Variants in MRRF observed in about 807,000 individuals in gnomAD.
The protein encoded by MRRF is ribosome-recycling factor, mitochondrial.
In MRRF, 18 loss-of-function variants were observed where a neutral mutation model predicts 25.1. The ratio of observed to expected loss-of-function variants is 0.72; its 90% CI spans 0.50 to 1.06. MRRF has a LOEUF of 1.06. Ranked by LOEUF, MRRF falls within the 50% of genes least tolerant of loss-of-function variation. The pLI is 0.00. For missense variants in MRRF, 323 were observed against 319.3 expected (o/e 1.01, Z -0.09); for synonymous variants, 113 against 112.1 (o/e 1.01, Z -0.05).
At chr9:122,281,833 T>C (rs1833107983) in intron 3 of MRRF, among the ~76,000 whole-genome samples, 2 of 152,140 alleles carry the variant, frequency 1.3e-5, no homozygotes, top group East Asian at 1.9e-4. Flanking sequence ...TGTTAACCTC[T>C]GAGAAAATGA....
intron 5 of MRRF, among the ~76,000 whole-genome samples, chr9:122,301,891 ACCCGGCTAATTTTTTTTTTTTTT>A (rs1268680717): frequency 2.0e-5 from 3 of 147,604 alleles, no homozygotes; most frequent in Non-Finnish European, 4.5e-5. Context: ...GCACCACCAC[ACCCGGCTAATTTTTTTTTTTTTT>A]TGTATTTTTA....
intron 2 of MRRF, among the ~76,000 whole-genome samples, chr9:122,279,077 T>A (rs1168329858): frequency 6.6e-6 from 1 of 152,202 alleles, no homozygotes; most frequent in Non-Finnish European, 1.5e-5. Context: ...TTCACCATTT[T>A]GGTCAGGCTG....
intron 5 of MRRF, among the ~76,000 whole-genome samples, chr9:122,300,764 A>C (rs1193694535): frequency 3.3e-5 from 5 of 152,016 alleles, no homozygotes. Context: ...TTGAGTGATT[A>C]TATTGGAAGT....
intron 3 of MRRF, among the ~76,000 whole-genome samples, chr9:122,282,778 A>C (rs1018524470): frequency 6.6e-6 from 1 of 152,190 alleles, no homozygotes; most frequent in Non-Finnish European, 1.5e-5. Context: ...GGGGGCTTGT[A>C]AAAGGGGTTT....
In MRRF at chr9:122,291,431, C is replaced by T. The variant is rs186716525; in HGVS notation, c.460-318C>T. 1.8e-3 allele frequency among the ~76,000 whole-genome samples: 268 copies of T among 152,310 alleles called. 2 individuals are homozygous for T. The highest frequency in any genetic ancestry group is 6.2e-3 in the African/African-American group (259 of 41,560). On this transcript the variant is annotated intron_variant, in intron 4 of 6. Coordinates refer to ENST00000344641, the MANE Select transcript of MRRF (RefSeq NM_138777.5). ...ACCAATCTTTGCAGAGACCAGCCCC[C>T]CTCCCTTGAGGATTTATTGTGGTTT...
intron 4 of MRRF, among the ~76,000 whole-genome samples, chr9:122,286,422 G>C (rs1588032936): frequency 6.6e-6 from 1 of 152,188 alleles, no homozygotes; most frequent in African/African-American, 2.4e-5. Context: ...AATATATATT[G>C]TGCCAGGCGT....
intron 3 of MRRF, among the ~76,000 whole-genome samples, chr9:122,281,854 T>G (rs1416473282): frequency 6.6e-6 from 1 of 152,104 alleles, no homozygotes; most frequent in East Asian, 1.9e-4. Context: ...GGGGCAGGAA[T>G]GAGGCTGAGG....
chr9:122,282,999 A>G (rs1833170740), intron 3 of MRRF, among the ~76,000 whole-genome samples: 1 of 152,240 alleles, frequency 6.6e-6, no homozygotes, highest in Non-Finnish European at 1.5e-5. Flanking sequence ...GTCAAGAAGT[A>G]ATAATAGTCA....
intron 5 of MRRF, among the ~76,000 whole-genome samples, chr9:122,294,256 T>C (rs1484702053): frequency 6.6e-6 from 1 of 152,236 alleles, no homozygotes; most frequent in Non-Finnish European, 1.5e-5. Context: ...GGATTCTTCT[T>C]AGGGTGACTC....
chr9:122,272,269 A>G (rs1263797085), intron 2 of MRRF, among the ~76,000 whole-genome samples: 1 of 152,240 alleles, frequency 6.6e-6, no homozygotes, highest in East Asian at 1.9e-4. Context: ...CCTGATGCCT[A>G]CAGTACTGCA....
rs537810234 is a variant in MRRF at position 122,318,443 on chromosome 9, C to T, written c.712-4097C>T. 5.4e-4 allele frequency among the ~76,000 whole-genome samples: 82 copies of T among 152,310 alleles called. 1 individual carries two copies. Among genetic ancestry groups the T allele is most frequent in the African/African-American group, 1.9e-3 (81 of 41,554 alleles). Reference sequence around the variant, plus strand: ...CCTTTCCCTGAGAAACAGTGCTGCTCTGAAATGAGCAAAGCTGGGTGCTAG... The same window carrying T: ...CCTTTCCCTGAGAAACAGTGCTGCTTTGAAATGAGCAAAGCTGGGTGCTAG... On this transcript the variant is annotated intron_variant, in intron 6 of 6. Coordinates refer to ENST00000344641, the MANE Select transcript of MRRF (RefSeq NM_138777.5).
intron 3 of MRRF, among the ~76,000 whole-genome samples, chr9:122,284,768 A>C (rs143050655): frequency 4.3e-4 from 66 of 152,226 alleles, no homozygotes; most frequent in African/African-American, 1.4e-3. Flanking sequence ...AAGAATCCCT[A>C]AATGTTTGTT....
chr9:122,300,098 C>T (rs766108941), intron 5 of MRRF, among the ~76,000 whole-genome samples: 1 of 152,200 alleles, frequency 6.6e-6, no homozygotes, highest in African/African-American at 2.4e-5. Flanking sequence ...GGGAGACTCA[C>T]ACTGCAGTGC....
intron 1 of MRRF, among the ~76,000 whole-genome samples, chr9:122,268,669 A>G (rs1489713578): frequency 6.6e-6 from 1 of 152,212 alleles, no homozygotes; most frequent in Non-Finnish European, 1.5e-5. Context: ...ATGAAATAGT[A>G]TGGTTAAAGC....
intron 5 of MRRF, 94 bp from the exon 6 acceptor site, chr9:122,313,133 A>G: frequency 7.6e-7 from 1 of 1,313,394 alleles, no homozygotes; most frequent in Middle Eastern, 1.8e-4. Flanking sequence ...GGAAAGTTAC[A>G]AACTGCTGAA....
rs546058236 is a variant in MRRF at position 122,290,447 on chromosome 9, GGATTCTTCA to G, written c.460-1301_460-1293del. Among the ~76,000 whole-genome samples the G allele has an allele frequency of 2.6e-4, 40 of 152,288 alleles. 2 individuals carry two copies. Among genetic ancestry groups the G allele is most frequent in the South Asian group, 1.9e-3 (9 of 4,828 alleles). ...AGATTCTGTGTACAGCCTCCCAAGAGGATTCTTCATGTGTATGTGGAAGTTCTGGTTTGT... is the reference window on the plus strand; with the variant it reads ...AGATTCTGTGTACAGCCTCCCAAGAGTGTGTATGTGGAAGTTCTGGTTTGT... On this transcript the variant is annotated intron_variant, in intron 4 of 6. Coordinates refer to ENST00000344641, the MANE Select transcript of MRRF (RefSeq NM_138777.5).
intron 2 of MRRF, among the ~76,000 whole-genome samples, chr9:122,279,176 T>C (rs1832953860): frequency 6.6e-6 from 1 of 152,188 alleles, no homozygotes; most frequent in Non-Finnish European, 1.5e-5. Flanking sequence ...CAGCCCCACA[T>C]CTTCTATCAG....
intron 4 of MRRF, among the ~76,000 whole-genome samples, chr9:122,291,432 C>G (rs191158692): frequency 1.3e-5 from 2 of 152,332 alleles, no homozygotes; most frequent in South Asian, 2.1e-4. Context: ...ACCAGCCCCC[C>G]TCCCTTGAGG....
At chr9:122,296,969 G>T (rs144723962) in intron 5 of MRRF, among the ~76,000 whole-genome samples, 1 of 152,076 alleles carries the variant, frequency 6.6e-6, no homozygotes, top group Non-Finnish European at 1.5e-5. Flanking sequence ...ATTGTCTTCC[G>T]ATTCCTTCAT....
Sources: allele counts gnomAD v4.1 joint callset (sites outside exome capture counted in the v4.1 genomes callset), GRCh38; gene constraint gnomAD v4.1.1; transcripts MANE v1.5; gene names NCBI Gene and HGNC (gene_info 2026-07-23, HGNC 2026-07-21).